Variants in MCTP2 observed in about 807,000 individuals in gnomAD.
The protein encoded by MCTP2 is multiple C2 and transmembrane domain containing 2, also known as multiple C2 and transmembrane domain-containing protein 2.
In MCTP2, 132 loss-of-function variants were observed where a neutral mutation model predicts 111.6. The observed-to-expected ratio is 1.18, with a 90% CI of 1.03 to 1.37. The LOEUF is 1.37. MCTP2 is among the 40% of genes most tolerant of loss of function. The pLI, the probability that MCTP2 is intolerant of heterozygous loss-of-function variation, is 0.00. For synonymous variants in MCTP2, 395 were observed against 387.7 expected, an observed-to-expected ratio of 1.02 and a Z score of -0.22; for missense variants, 1,183 against 1,067.9, an observed-to-expected ratio of 1.11 and a Z score of -1.50.
chr15:94,340,397 C>A, intron 6 of MCTP2, 122 bp downstream of exon 6: 1 of 755,202 alleles, frequency 1.3e-6, no homozygotes, highest in Non-Finnish European at 2.2e-6. Context: ...TGAAAGAGAG[C>A]TTTAAAGTGT....
chr15:94,307,104 T>C (rs1034044573), intron 2 of MCTP2, among the ~76,000 whole-genome samples: 10 of 152,148 alleles, frequency 6.6e-5, no homozygotes, highest in African/African-American at 2.4e-4. Context: ...TTCGCACCTG[T>C]TGAACGCCTG....
intron 10 of MCTP2, among the ~76,000 whole-genome samples, chr15:94,362,164 CT>C (rs2152430799): frequency 6.6e-6 from 1 of 152,220 alleles, no homozygotes; most frequent in South Asian, 2.1e-4. Flanking sequence ...AAAAAAGCAT[CT>C]GATCTTAGAT....
intron 4 of MCTP2, among the ~76,000 whole-genome samples, chr15:94,333,418 T>G (rs574788470): frequency 6.6e-6 from 1 of 152,070 alleles, no homozygotes. Flanking sequence ...AAACTTTTTT[T>G]TAAAAACCAT....
chr15:94,358,504 C>T lies in MCTP2; in HGVS notation c.1193C>T (p.Pro398Leu), dbSNP rs200456929. The change falls in exon 10 of 23, where the codon CCG (proline) becomes CTG (leucine). Residue 398 changes from proline to leucine, a missense_variant. Pro to Leu is a moderately conservative substitution (Grantham distance 98). Coordinates refer to ENST00000357742, the MANE Select transcript of MCTP2 (RefSeq NM_001385001.1). ...TAGACACTGTGTAAGAGTGCAAATC[C>T]GCAGTGGCAGGAACAGTTTGACTTT... The part of the protein sequence containing the change: ...KSKTLCKSAN[P>L]QWQEQFDFHY... The T allele has an allele frequency of 5.0e-5, 80 of 1,613,266 alleles. No individual in the cohort carries two copies. Among genetic ancestry groups the T allele is most frequent in the East Asian group, 2.5e-4 (11 of 44,868 alleles).
chr15:94,370,733 G>A (rs1368279683), intron 12 of MCTP2, among the ~76,000 whole-genome samples: 2 of 152,080 alleles, frequency 1.3e-5, no homozygotes, highest in South Asian at 2.1e-4. Context: ...GCTTTGTGCT[G>A]GATTATGCTC....
intron 1 of MCTP2, among the ~76,000 whole-genome samples, chr15:94,262,632 ACT>A (rs911496872): frequency 6.6e-5 from 10 of 151,170 alleles, no homozygotes; most frequent in African/African-American, 2.4e-4. Flanking sequence ...TGGGCATATA[ACT>A]CTCTATGGAA....
At chr15:94,454,297 A>G (rs1259431760) in intron 19 of MCTP2, among the ~76,000 whole-genome samples, 3 of 152,204 alleles carry the variant, frequency 2.0e-5, no homozygotes, top group African/African-American at 7.2e-5. Context: ...CTCCAAAATG[A>G]AGAAATATGA....
intron 2 of MCTP2, among the ~76,000 whole-genome samples, chr15:94,312,071 T>G (rs2076168842): frequency 6.6e-6 from 1 of 152,196 alleles, no homozygotes; most frequent in South Asian, 2.1e-4. Context: ...AAAATGGGAT[T>G]GGTTAGGTAG....
At chr15:94,373,537 A>G (rs1179023106) in intron 12 of MCTP2, among the ~76,000 whole-genome samples, 2 of 152,132 alleles carry the variant, frequency 1.3e-5, no homozygotes, top group East Asian at 1.9e-4. Flanking sequence ...TAAATATGCT[A>G]TTTGATTGTG....
chr15:94,475,032 C>T (rs542767059), intron 21 of MCTP2, among the ~76,000 whole-genome samples: 32 of 152,210 alleles, frequency 2.1e-4, no homozygotes, highest in Non-Finnish European at 3.7e-4. Context: ...ACTCCAGATG[C>T]GCACACCATA....
At chr15:94,442,881 G>T (rs117665652) in intron 18 of MCTP2, 38 bp from the exon 19 acceptor site, 1 of 1,575,584 alleles carries the variant, frequency 6.3e-7, no homozygotes, top group South Asian at 1.1e-5. Flanking sequence ...TGTTAATTTC[G>T]GTTGATGTTT....
At chr15:94,238,097 A>G (rs1336933920) in intron 1 of MCTP2, among the ~76,000 whole-genome samples, 2 of 152,128 alleles carry the variant, frequency 1.3e-5, no homozygotes, top group African/African-American at 2.4e-5. Flanking sequence ...CCTTGGGCAC[A>G]TGTTCTCAGG....
intron 1 of MCTP2, among the ~76,000 whole-genome samples, chr15:94,297,321 G>A (rs986469456): frequency 2.6e-5 from 4 of 152,160 alleles, no homozygotes; most frequent in African/African-American, 9.7e-5. Flanking sequence ...TATGTGTGAA[G>A]CATCCTTATC....
chr15:94,315,219 A>G (rs2076325950), intron 3 of MCTP2, among the ~76,000 whole-genome samples: 1 of 152,158 alleles, frequency 6.6e-6, no homozygotes, highest in African/African-American at 2.4e-5. Flanking sequence ...CCTGAGTTTT[A>G]TAACAAGGGA....
intron 8 of MCTP2, among the ~76,000 whole-genome samples, chr15:94,350,475 C>A (rs1470714274): frequency 6.6e-6 from 1 of 152,078 alleles, no homozygotes; most frequent in East Asian, 1.9e-4. Context: ...GAGGCTGAGG[C>A]AGGAGAATTG....
chr15:94,279,471 A>G (rs1343326495), intron 1 of MCTP2, among the ~76,000 whole-genome samples: 1 of 151,924 alleles, frequency 6.6e-6, no homozygotes, highest in Admixed American at 6.6e-5. Flanking sequence ...TTGATTTTGT[A>G]TCCTGAAAAT....
chr15:94,263,699 G>A (rs192317652), intron 1 of MCTP2, among the ~76,000 whole-genome samples: 1 of 152,312 alleles, frequency 6.6e-6, no homozygotes, highest in Admixed American at 6.5e-5. Flanking sequence ...ACGGAAAGAA[G>A]AGTTACAGTT....
chr15:94,453,535 T>A (rs2084603511), intron 19 of MCTP2, among the ~76,000 whole-genome samples: 1 of 152,168 alleles, frequency 6.6e-6, no homozygotes, highest in Non-Finnish European at 1.5e-5. Context: ...AATGATAGGG[T>A]AGGTGTATGT....
At position 94,479,451 on chromosome 15, in the gene MCTP2, C is replaced by T. The variant is rs900611809; in HGVS notation, c.*417C>T. ...TATTTCCGCTCCCCAGCCCCACACT[C>T]CTTTCAGATTATCGTTCATGGGCGT... On this transcript the variant is annotated 3_prime_UTR_variant, in exon 23 of 23. Coordinates refer to ENST00000357742, the MANE Select transcript of MCTP2 (RefSeq NM_001385001.1). 4.7e-5 allele frequency: 9 copies of T among 189,486 alleles called. No individual in the cohort carries two copies. Among genetic ancestry groups the T allele is most frequent in the African/African-American group, 2.1e-4 (9 of 43,654 alleles). 11.7% of individuals were successfully genotyped at this position (189,486 alleles called of 1,614,324 possible). A position where few individuals can be genotyped will look rare whatever the true frequency, so the allele number is the denominator to read the frequency against.
Sources: allele counts gnomAD v4.1 joint callset (sites outside exome capture counted in the v4.1 genomes callset), GRCh38; gene constraint gnomAD v4.1.1; transcripts MANE v1.5; gene names NCBI Gene and HGNC (gene_info 2026-07-23, HGNC 2026-07-21).